Variants in HERC2 observed in about 807,000 individuals in gnomAD.
HERC2 encodes the protein E3 ubiquitin-protein ligase HERC2.
In HERC2, 102 loss-of-function variants were observed where a neutral mutation model predicts 537.7. The observed-to-expected ratio is 0.19, with a 90% CI of 0.16 to 0.22. The LOEUF is 0.22. Among genes scored for constraint, HERC2 ranks in the 10% least tolerant of loss-of-function variants. HERC2 has a pLI of 1.00. For missense variants in HERC2, 4,236 were observed against 6,198.2 expected (o/e 0.68, Z 10.63); for synonymous variants, 2,224 against 2,466.2 (o/e 0.90, Z 2.91).
At chr15:28,138,401 C>G (rs1457884126) in intron 78 of HERC2, among the ~76,000 whole-genome samples, 1 of 152,158 alleles carries the variant, frequency 6.6e-6, no homozygotes, top group African/African-American at 2.4e-5. Flanking sequence ...CAGCTGATGA[C>G]TATATTAGTT....
chr15:28,122,941 G>T lies in HERC2; in HGVS notation c.13188+1096C>A, dbSNP rs1377352932. ...ACTTTTTTTCTCCCTACAAAGAAAG[G>T]TTTTTTTCCTCTGTGCTGCCTATTA... On this transcript the variant is annotated intron_variant, in intron 85 of 92. Coordinates refer to ENST00000261609, the MANE Select transcript of HERC2 (RefSeq NM_004667.6). The surrounding 1 kb of genome is among the most constrained non-coding windows in gnomAD (Gnocchi z 4.1). 6.6e-6 allele frequency among the ~76,000 whole-genome samples: 1 copy of T among 152,060 alleles called. No homozygotes were observed. The highest frequency in any genetic ancestry group is 2.4e-5 in the African/African-American group (1 of 41,392).
At chr15:28,167,592 G>A in intron 68 of HERC2, 95 bp downstream of exon 68, 1 of 1,452,846 alleles carries the variant, frequency 6.9e-7, no homozygotes, top group Non-Finnish European at 9.6e-7. Flanking sequence ...AATGGGATAG[G>A]AATAGACTGT....
At chr15:28,203,251 T>C (rs1898065239) in intron 45 of HERC2, 1 of 132,522 alleles carries the variant, frequency 7.5e-6, no homozygotes, top group Non-Finnish European at 1.6e-5. Flanking sequence ...TGTAACTCCC[T>C]GGTCCTCCTC....
At position 28,256,351 on chromosome 15, in the gene HERC2, C is replaced by T. The variant is rs1219056131; in HGVS notation, c.2518-34G>A. ...AGAAAAACAATTTTCACTTAGAACC[C>T]CTAAAAATGAGTGAATTTCAAAGTC... On this transcript the variant is annotated intron_variant, in intron 17 of 92. Coordinates refer to ENST00000261609, the MANE Select transcript of HERC2 (RefSeq NM_004667.6). The T allele has an allele frequency of 4.3e-6, 6 of 1,396,554 alleles. No individual in the cohort carries two copies. The Admixed American group carries it at 8.2e-5, about 19-fold the overall frequency. The allele number at this position is 1,396,554 out of a possible 1,614,324, so 86.5% of individuals were successfully genotyped here.
chr15:28,262,917 C>T lies in HERC2; in HGVS notation c.2122+1G>A. 2 of 1,613,442 alleles carry T rather than the reference C, an allele frequency of 1.2e-6. No homozygotes were observed. The highest frequency in any genetic ancestry group is 1.7e-6 in the Non-Finnish European group (2 of 1,179,472). On this transcript the variant is annotated splice_donor_variant, in intron 15 of 92. Coordinates refer to ENST00000261609, the MANE Select transcript of HERC2 (RefSeq NM_004667.6). LOFTEE classifies it high-confidence loss of function. ...TTTTAAAAGTTTACATTTGCACTCA[C>T]CTTGCAAGCCTTCTAAGAGTTTTGG...
rs1567081079 is a variant in HERC2, at chr15:28,257,278, C to T, written c.2317-17G>A. On this transcript the variant is annotated splice_polypyrimidine_tract_variant and intron_variant, in intron 16 of 92. Transcript: ENST00000261609. ...AGCAAAGCTCTAAGAGGAAACGCAA[C>T]AATCTAAAATGAATCTCCAAATGCA... 3 of 1,609,776 alleles carry T rather than the reference C, an allele frequency of 1.9e-6. No homozygotes were observed. Among genetic ancestry groups the T allele is most frequent in the South Asian group, 1.1e-5 (1 of 90,800 alleles).
At chr15:28,129,438 C>G (rs1158207202) in intron 83 of HERC2, among the ~76,000 whole-genome samples, 3 of 152,216 alleles carry the variant, frequency 2.0e-5, no homozygotes, top group Admixed American at 6.5e-5. Context: ...ACAGGCACCC[C>G]CTGCCTGGCG....
In HERC2 at chr15:28,196,202, C is replaced by T. The variant is rs557215827; in HGVS notation, c.8260+13G>A. On this transcript the variant is annotated intron_variant, in intron 52 of 92. Transcript: ENST00000261609. Reference sequence around the variant, plus strand: ...TATTTGGTGGAAGAGAGAATATAAACATTCTGCCATACCTGGTTCATTTAT... The same window carrying T: ...TATTTGGTGGAAGAGAGAATATAAATATTCTGCCATACCTGGTTCATTTAT... The T allele has an allele frequency of 2.2e-4, 262 of 1,176,960 alleles. 2 individuals are homozygous for T. The South Asian group carries it at 2.8e-3, about 12-fold the overall frequency. The allele number at this position is 1,176,960 out of a possible 1,614,324, so 72.9% of individuals were successfully genotyped here. A position where few individuals can be genotyped will look rare whatever the true frequency, so the allele number is the denominator to read the frequency against.
chr15:28,252,826 A>C (rs2075126671), intron 20 of HERC2, among the ~76,000 whole-genome samples: 1 of 152,250 alleles, frequency 6.6e-6, no homozygotes, highest in Non-Finnish European at 1.5e-5. Flanking sequence ...ACTAGCTCTA[A>C]AACTTCCTGT....
chr15:28,274,212 T>G, intron 7 of HERC2, 79 bp downstream of exon 7: 1 of 1,485,690 alleles, frequency 6.7e-7, no homozygotes, highest in Non-Finnish European at 9.2e-7. Context: ...GCTTCTTAGC[T>G]CTAAAGCAAG....
intron 36 of HERC2, among the ~76,000 whole-genome samples, chr15:28,220,936 T>TCA (rs1219548865): frequency 1.8e-5 from 2 of 109,818 alleles, no homozygotes; most frequent in South Asian, 3.5e-4. Context: ...CCACCAGACC[T>TCA]GTTAGGAGGG....
intron 69 of HERC2, among the ~76,000 whole-genome samples, chr15:28,157,416 T>G (rs1208023225): frequency 2.2e-4 from 33 of 152,256 alleles, no homozygotes; most frequent in Admixed American, 2.2e-3. Flanking sequence ...TTGCCTCCAT[T>G]TCAGAGCCTG....
At chr15:28,228,551 G>GT in intron 34 of HERC2, 142 bp from the exon 35 acceptor site, 2 of 808,770 alleles carry the variant, frequency 2.5e-6, no homozygotes, top group Admixed American at 2.2e-5. Context: ...AAGAATAAAC[G>GT]TAACGCAGAA....
Position 28,186,796 on chromosome 15 carries a change from A to G in HERC2, c.8650-44T>C, listed in dbSNP as rs748809843. On this transcript the variant is annotated intron_variant, in intron 55 of 92. Coordinates refer to ENST00000261609, the MANE Select transcript of HERC2 (RefSeq NM_004667.6). ...ATCTATAGACTCTGTAGAATCAAGCATATTAGATCCTCTAACTGGAGAACG... is the reference window on the plus strand; with the variant it reads ...ATCTATAGACTCTGTAGAATCAAGCGTATTAGATCCTCTAACTGGAGAACG... The G allele has an allele frequency of 7.0e-6, 10 of 1,424,910 alleles. No homozygotes were observed. In the East Asian group the frequency reaches 2.3e-4, roughly 33 times the overall value. The allele number at this position is 1,424,910 out of a possible 1,614,324, so 88.3% of individuals were successfully genotyped here.
chr15:28,238,559 T>G, intron 24 of HERC2, 43 bp downstream of exon 24: 1 of 1,504,848 alleles, frequency 6.6e-7, no homozygotes, highest in Non-Finnish European at 9.2e-7. Flanking sequence ...TAAAATGATA[T>G]AGGTTGTAAC....
chr15:28,255,990 C>G lies in HERC2; in HGVS notation c.2753G>C (p.Gly918Ala). The change falls in exon 19 of 93, where the codon GGC becomes GCC. Residue 918 changes from glycine to alanine, a missense_variant. By Grantham distance (60) the Gly-to-Ala change is moderately conservative (BLOSUM62 0). This residue lies in a region of HERC2 where 754 missense variants were observed against 1,085.0 expected (regional missense o/e 0.69). Coordinates refer to ENST00000261609, the MANE Select transcript of HERC2 (RefSeq NM_004667.6). The stretch of plus-strand genomic sequence containing the variant: ...ACCTGGACTTATGTTCACTTCATTG[C>G]CTGAAACTGAAATAGAAAGTGTGTG... The part of the protein sequence containing the change: ...LSALLPCAVS[G>A]NEVNISPGRR... The G allele has an allele frequency of 6.2e-7, 1 of 1,606,044 alleles. No individual in the cohort carries two copies. The highest frequency in any genetic ancestry group is 8.5e-7 in the Non-Finnish European group (1 of 1,179,820).
chr15:28,190,957 C>G lies in HERC2; in HGVS notation c.8649+8G>C. The G allele has an allele frequency of 6.4e-7, 1 of 1,571,696 alleles. No individual in the cohort carries two copies. Among genetic ancestry groups the G allele is most frequent in the Non-Finnish European group, 8.8e-7 (1 of 1,141,242 alleles). Reference sequence around the variant, plus strand: ...TCATCCAAATGGAACACTAGCATAGCTACTTACCTCTGTGCAGTCATTCAG... The same window carrying G: ...TCATCCAAATGGAACACTAGCATAGGTACTTACCTCTGTGCAGTCATTCAG... On this transcript the variant is annotated splice_region_variant and intron_variant, in intron 55 of 92. Transcript: ENST00000261609.
intron 3 of HERC2, among the ~76,000 whole-genome samples, chr15:28,296,433 G>A (rs74853090): frequency 0.068 from 10,291 of 152,012 alleles, 860 homozygotes; most frequent in East Asian, 0.41. Context: ...AAATCATGCC[G>A]CTACACTCCA....
At chr15:28,238,262 C>G in intron 24 of HERC2, 45 bp from the exon 25 acceptor site, 1 of 1,311,484 alleles carries the variant, frequency 7.6e-7, no homozygotes, top group Non-Finnish European at 1.1e-6. Context: ...ATTCAGCTTG[C>G]CTGAAGAGAT....
Sources: allele counts gnomAD v4.1 joint callset (sites outside exome capture counted in the v4.1 genomes callset), GRCh38; gene constraint gnomAD v4.1.1; regional missense constraint gnomAD v4.1.1; non-coding constraint Gnocchi (gnomAD v3.1); transcripts MANE v1.5; gene names NCBI Gene and HGNC (gene_info 2026-07-23, HGNC 2026-07-21).